Variants in SUCO observed in about 807,000 individuals in gnomAD.
SUCO encodes SUN domain containing ossification factor.
A neutral mutation model predicts 148.1 loss-of-function variants in SUCO; 57 were observed. The ratio of observed to expected loss-of-function variants is 0.38; its 90% CI spans 0.31 to 0.48. The LOEUF (loss-of-function observed/expected upper bound fraction) is 0.48, where lower values mean the gene tolerates loss of function less well. SUCO is among the 20% of genes least tolerant of loss of function. SUCO has a pLI of 0.96. For missense variants in SUCO, 1,331 were observed against 1,468.2 expected (o/e 0.91, Z 1.53); for synonymous variants, 470 against 502.7 (o/e 0.93, Z 0.87).
rs1423819518 is a variant in SUCO at position 172,570,154 on chromosome 1, G to T, written c.964G>T (p.Ala322Ser). 1 of 1,581,462 alleles carries T rather than the reference G, an allele frequency of 6.3e-7. No homozygotes were observed. The highest frequency in any genetic ancestry group is 1.7e-5 in the Admixed American group (1 of 57,264). Residue 322 changes from alanine to serine, a missense_variant, in exon 8 of 24, where the codon GCT becomes TCT. Physicochemically the swap from Ala to Ser is moderately conservative, Grantham distance 99. Around this residue, in one of 3 missense-constraint regions of SUCO, gnomAD observed 992 missense variants for 1,093.5 expected, o/e 0.91. Coordinates refer to ENST00000263688, the MANE Select transcript of SUCO (RefSeq NM_014283.5). ...SVECGAKILA[A>S]NPEAKSTSAI... is the part of the protein sequence containing the mutation. ...AGAATGTGGTGCCAAAATTCTAGCA[G>T]CTAATCCAGAAGCCAAGGTAGGTGT...
At chr1:172,601,936 T>C in intron 20 of SUCO, 128 bp from the exon 21 acceptor site, 1 of 897,464 alleles carries the variant, frequency 1.1e-6, no homozygotes. Flanking sequence ...GAGCATGCCC[T>C]GCATTTCTGG....
At chr1:172,581,542 G>C (rs1655883940) in intron 15 of SUCO, among the ~76,000 whole-genome samples, 1 of 152,118 alleles carries the variant, frequency 6.6e-6, no homozygotes, top group Non-Finnish European at 1.5e-5. Flanking sequence ...GACTGAATTA[G>C]CTATAGCCTC....
upstream of SUCO, chr1:172,532,568 T>A: frequency 1.2e-6 from 2 of 1,613,916 alleles, no homozygotes; most frequent in Non-Finnish European, 1.7e-6. Flanking sequence ...TGGTGCAGCT[T>A]CCCTCACAAC....
At chr1:172,567,793 A>G (rs971360031) in intron 6 of SUCO, among the ~76,000 whole-genome samples, 1 of 152,186 alleles carries the variant, frequency 6.6e-6, no homozygotes, top group Non-Finnish European at 1.5e-5. Flanking sequence ...TCCTTTTAGC[A>G]TAGATTTCTC....
At chr1:172,552,530 C>T (rs1044243477) in intron 2 of SUCO, 1 of 585,950 alleles carries the variant, frequency 1.7e-6, no homozygotes, top group Non-Finnish European at 2.1e-6. Context: ...TCAACACATA[C>T]TTACAATTAC....
intron 1 of SUCO, 91 bp downstream of exon 1, chr1:172,533,588 A>G (rs1571161222): frequency 1.2e-6 from 1 of 817,680 alleles, no homozygotes; most frequent in Non-Finnish European, 1.6e-6. Context: ...TTTGGCTTTT[A>G]GGGTCCGGGT....
In SUCO at chr1:172,590,271, T is replaced by C. The variant is rs1470459075; in HGVS notation, c.2825+345T>C. 3.2e-6 allele frequency: 3 copies of C among 930,306 alleles called. No individual in the cohort carries two copies. The African/African-American group carries it at 5.4e-5, about 17-fold the overall frequency. 57.6% of individuals were successfully genotyped at this position (930,306 alleles called of 1,614,324 possible). On this transcript the variant is annotated intron_variant, in intron 18 of 23. Transcript: ENST00000263688. ...GGGCTCATGGAAAAAAATGATAGTA[T>C]ATAGACCTTAAAGCTTTTAGTGGAA...
Position 172,569,313 on chromosome 1 carries a change from TA to T in SUCO, c.856+173del, listed in dbSNP as rs1654776169. On this transcript the variant is annotated intron_variant, in intron 7 of 23. Transcript: ENST00000263688. ...CATCCATCCATCATGTACCTGTATA[TA>T]ATTACATACAGTTTTAGTTTTAATT... 1.3e-5 allele frequency: 11 copies of T among 837,694 alleles called. No individual in the cohort carries two copies. The South Asian group carries it at 6.0e-4, about 46-fold the overall frequency. 51.9% of individuals were successfully genotyped at this position (837,694 alleles called of 1,614,324 possible).
chr1:172,569,539 A>T (rs1654791924), intron 7 of SUCO: 1 of 977,244 alleles, frequency 1.0e-6, no homozygotes, highest in Admixed American at 6.1e-5. Context: ...TCAAGAACAT[A>T]CCTAAAGAAA....
intron 1 of SUCO, among the ~76,000 whole-genome samples, chr1:172,534,808 T>C (rs1458920544): frequency 2.0e-5 from 3 of 152,214 alleles, no homozygotes; most frequent in Non-Finnish European, 4.4e-5. Flanking sequence ...GCTGCCTAGT[T>C]ATATTTGTAG....
At chr1:172,592,680 C>T (rs1656758068) in intron 19 of SUCO, among the ~76,000 whole-genome samples, 1 of 152,258 alleles carries the variant, frequency 6.6e-6, no homozygotes, top group South Asian at 2.1e-4. Flanking sequence ...GTTACTGTAG[C>T]CTTGTAGTAT....
intron 6 of SUCO, among the ~76,000 whole-genome samples, chr1:172,568,007 G>A (rs1654683375): frequency 6.6e-6 from 1 of 152,224 alleles, no homozygotes; most frequent in Non-Finnish European, 1.5e-5. Context: ...TGTCATATCA[G>A]TGGTGGCATT....
rs779455315 is a variant in SUCO at position 172,600,090 on chromosome 1, G to C, written c.2940G>C (p.Gln980His). The change falls in exon 20 of 24, where the codon CAG becomes CAC. Residue 980 changes from glutamine (Q) to histidine (H), a missense_variant. By Grantham distance (24) the Gln-to-His change is conservative (BLOSUM62 0). Coordinates refer to ENST00000263688, the MANE Select transcript of SUCO (RefSeq NM_014283.5). Reference sequence around the variant, plus strand: ...ATCAGCGGCAAACTGAAGCCATCCAGTTGCTACAGGCACAGCTGACCAACA... The same window carrying C: ...ATCAGCGGCAAACTGAAGCCATCCACTTGCTACAGGCACAGCTGACCAACA... Reference protein sequence around the residue: ...EQDQRQTEAIQLLQAQLTNMT... With the variant: ...EQDQRQTEAIHLLQAQLTNMT... 6.2e-7 allele frequency: 1 copy of C among 1,606,530 alleles called. No homozygotes were observed. The highest frequency in any genetic ancestry group is 8.5e-7 in the Non-Finnish European group (1 of 1,178,432).
intron 3 of SUCO, among the ~76,000 whole-genome samples, chr1:172,554,872 C>T (rs1186597952): frequency 1.3e-5 from 2 of 151,610 alleles, no homozygotes; most frequent in African/African-American, 2.4e-5. Flanking sequence ...ATGCAGATGA[C>T]TATTTATATT....
chr1:172,562,978 TC>T (rs1227023973), intron 6 of SUCO, among the ~76,000 whole-genome samples: 1 of 152,168 alleles, frequency 6.6e-6, no homozygotes, highest in Non-Finnish European at 1.5e-5. Context: ...ACTCTCTTCC[TC>T]CTGCACTGCC....
At chr1:172,555,816 A>T (rs1241120303) in intron 3 of SUCO, 53 bp from the exon 4 acceptor site, 4 of 1,423,862 alleles carry the variant, frequency 2.8e-6, no homozygotes, top group Non-Finnish European at 3.8e-6. Flanking sequence ...TCTGCTAAAG[A>T]GATGTTATAT....
At chr1:172,546,867 A>C (rs545373944) in intron 1 of SUCO, among the ~76,000 whole-genome samples, 2 of 152,294 alleles carry the variant, frequency 1.3e-5, no homozygotes, top group East Asian at 3.9e-4. Context: ...CTGAGATTGC[A>C]CCACTGCACC....
Position 172,589,574 on chromosome 1 carries a change from G to A in SUCO, c.2473G>A (p.Val825Met), listed in dbSNP as rs202031322. The A allele has an allele frequency of 3.7e-6, 6 of 1,613,754 alleles. No homozygotes were observed. The Admixed American group carries it at 5.0e-5, about 13-fold the overall frequency. The change falls in exon 18 of 24, where the codon GTG becomes ATG. Residue 825 changes from valine to methionine, a missense_variant. Coordinates refer to ENST00000263688, the MANE Select transcript of SUCO (RefSeq NM_014283.5). ...TTTCACAAAGCTGTCTGAAACAATA[G>A]TGCCACCAATAAATACAGCCACTGT... ...QIFTKLSETIVPPINTATVPD... is the reference protein window; with the variant it reads ...QIFTKLSETIMPPINTATVPD...
intron 9 of SUCO, among the ~76,000 whole-genome samples, chr1:172,572,663 C>CT (rs1655120290): frequency 7.8e-6 from 1 of 127,592 alleles, no homozygotes; most frequent in Admixed American, 8.9e-5. Flanking sequence ...CCTGCCAAAT[C>CT]CCCCTCTGTG....
Sources: gnomAD v4.1 joint callset for allele counts (sites outside exome capture counted in the v4.1 genomes callset) on GRCh38, gnomAD v4.1.1 for gene constraint, gnomAD v4.1.1 regional missense constraint, MANE v1.5 for transcripts, NCBI Gene and HGNC (gene_info 2026-07-23, HGNC 2026-07-21) for gene names.